The following WWOX variants were observed in gnomAD, a reference collection of about 807,000 sequenced individuals.
The protein encoded by WWOX is WW domain-containing oxidoreductase.
In WWOX, 69 loss-of-function variants were observed where a neutral mutation model predicts 46.2. The observed-to-expected ratio is 1.49, with a 90% CI of 1.23 to 1.82. WWOX has a LOEUF of 1.82. Among genes scored for constraint, WWOX ranks in the 40% most tolerant of loss-of-function variants. WWOX has a pLI of 0.00. For missense variants in WWOX, 919 were observed against 542.6 expected (o/e 1.69, Z -6.89); for synonymous variants, 359 against 202.6 (o/e 1.77, Z -6.56).
chr16:78,439,513 A>G (rs954684706), intron 8 of WWOX, among the ~76,000 whole-genome samples: 1 of 152,214 alleles, frequency 6.6e-6, no homozygotes, highest in Non-Finnish European at 1.5e-5. Flanking sequence ...TTTTAAGTTT[A>G]CAGTGCTTGC....
At chr16:78,669,995 A>G (rs1177617791) in intron 8 of WWOX, among the ~76,000 whole-genome samples, 2 of 152,136 alleles carry the variant, frequency 1.3e-5, no homozygotes, top group Non-Finnish European at 2.9e-5. Flanking sequence ...CCAGTAATGT[A>G]GAGCTGTTAT....
chr16:78,602,299 C>G (rs966599982), intron 8 of WWOX, among the ~76,000 whole-genome samples: 6 of 151,996 alleles, frequency 3.9e-5, no homozygotes, highest in African/African-American at 9.7e-5. Context: ...GTGGTGTAAT[C>G]TCGGCTTACT....
intron 8 of WWOX, among the ~76,000 whole-genome samples, chr16:78,992,842 C>G (rs1020582454): frequency 6.6e-6 from 1 of 152,072 alleles, no homozygotes; most frequent in Non-Finnish European, 1.5e-5. Context: ...GCTTTCTCCC[C>G]AAACCTTCTA....
intron 8 of WWOX, chr16:78,891,238 T>G (rs955849742): frequency 2.0e-5 from 3 of 152,202 alleles, no homozygotes; most frequent in Non-Finnish European, 2.9e-5. Flanking sequence ...TAACAATATG[T>G]AATTTCAGGT....
intron 8 of WWOX, among the ~76,000 whole-genome samples, chr16:78,597,827 T>A (rs1185714002): frequency 6.6e-6 from 1 of 151,556 alleles, no homozygotes; most frequent in Non-Finnish European, 1.5e-5. Flanking sequence ...TCCCCACTTT[T>A]TTTTTCTTTT....
intron 8 of WWOX, among the ~76,000 whole-genome samples, chr16:78,848,622 C>T (rs1440599391): frequency 6.6e-6 from 1 of 152,070 alleles, no homozygotes; most frequent in Non-Finnish European, 1.5e-5. Context: ...GCAGGAGTAT[C>T]TAAGTGGCCA....
intron 8 of WWOX, among the ~76,000 whole-genome samples, chr16:79,075,455 C>A (rs187595570): frequency 6.6e-6 from 1 of 152,108 alleles, no homozygotes; most frequent in African/African-American, 2.4e-5. Context: ...ATAGTTGTAG[C>A]CATATGATTG....
chr16:79,090,362 T>C (rs1005274381), intron 8 of WWOX, among the ~76,000 whole-genome samples: 7 of 151,760 alleles, frequency 4.6e-5, no homozygotes, highest in Non-Finnish European at 5.9e-5. Flanking sequence ...GCTCAGTATA[T>C]AGTTATATAT....
intron 8 of WWOX, among the ~76,000 whole-genome samples, chr16:79,046,952 G>A (rs1351894809): frequency 6.6e-6 from 1 of 152,048 alleles, no homozygotes; most frequent in Non-Finnish European, 1.5e-5. Context: ...TCCCTTCCAT[G>A]TAAAAGTAAC....
At chr16:78,871,878 C>T (rs774541825) in intron 8 of WWOX, among the ~76,000 whole-genome samples, 1 of 152,222 alleles carries the variant, frequency 6.6e-6, no homozygotes, top group East Asian at 1.9e-4. Flanking sequence ...GCTGGGATTA[C>T]AGGTGTGAGC....
chr16:78,864,925 G>A (rs768906020), intron 8 of WWOX, among the ~76,000 whole-genome samples: 2 of 151,642 alleles, frequency 1.3e-5, no homozygotes, highest in Non-Finnish European at 2.9e-5. Context: ...ACCACACCTG[G>A]CTAATTTTTG....
intron 5 of WWOX, among the ~76,000 whole-genome samples, chr16:78,284,696 A>G (rs986002265): frequency 7.9e-5 from 12 of 152,340 alleles, no homozygotes; most frequent in African/African-American, 2.9e-4. Flanking sequence ...TAATAAAATA[A>G]TAGTAAATTC....
intron 8 of WWOX, among the ~76,000 whole-genome samples, chr16:78,779,593 G>A (rs2050275507): frequency 6.6e-6 from 1 of 152,200 alleles, no homozygotes; most frequent in African/African-American, 2.4e-5. Context: ...TATGAATAGA[G>A]TATATTACCC....
intron 8 of WWOX, among the ~76,000 whole-genome samples, chr16:78,881,501 A>T (rs975593238): frequency 3.3e-5 from 5 of 152,216 alleles, no homozygotes; most frequent in Admixed American, 2.6e-4. Flanking sequence ...ATATTCAACA[A>T]ACAATTTCGG....
At chr16:78,777,968 C>G (rs934716096) in intron 8 of WWOX, among the ~76,000 whole-genome samples, 1 of 151,336 alleles carries the variant, frequency 6.6e-6, no homozygotes, top group African/African-American at 2.4e-5. Context: ...TCGCTTGAAC[C>G]CAGGAGGTGG....
intron 8 of WWOX, among the ~76,000 whole-genome samples, chr16:79,062,099 C>T (rs2048366755): frequency 6.6e-6 from 1 of 152,154 alleles, no homozygotes; most frequent in African/African-American, 2.4e-5. Flanking sequence ...CTCCCCACCC[C>T]ACGTGATCTC....
At chr16:78,427,690 A>G (rs74760815) in intron 7 of WWOX, among the ~76,000 whole-genome samples, 8,349 of 152,222 alleles carry the variant, frequency 0.055, 337 homozygotes, top group Non-Finnish European at 0.09. Context: ...AGGTGGGAGG[A>G]TGGCTTGAGC....
chr16:79,200,960 G>A (rs1210740877), intron 8 of WWOX, among the ~76,000 whole-genome samples: 2 of 152,164 alleles, frequency 1.3e-5, no homozygotes, highest in Non-Finnish European at 2.9e-5. Context: ...CTTTAAACTT[G>A]TAAAAATCAG....
intron 5 of WWOX, among the ~76,000 whole-genome samples, chr16:78,189,802 C>T (rs2035824951): frequency 6.6e-6 from 1 of 152,070 alleles, no homozygotes; most frequent in African/African-American, 2.4e-5. Flanking sequence ...TTACAGGCAC[C>T]TGCCACCACG....
Sources: gnomAD v4.1 joint callset for allele counts (sites outside exome capture counted in the v4.1 genomes callset) on GRCh38, gnomAD v4.1.1 for gene constraint, MANE v1.5 for transcripts, NCBI Gene and HGNC (gene_info 2026-07-23, HGNC 2026-07-21) for gene names.